The following THRB variants were observed in gnomAD, a reference collection of about 807,000 sequenced individuals.
THRB encodes thyroid hormone receptor beta.
In THRB, 12 loss-of-function variants were observed where a neutral mutation model predicts 47.8. The ratio of observed to expected loss-of-function variants is 0.25; its 90% CI spans 0.16 to 0.41. The LOEUF (loss-of-function observed/expected upper bound fraction) is 0.41, where lower values mean the gene tolerates loss of function less well. Ranked by LOEUF, THRB falls within the 10% of genes least tolerant of loss-of-function variation. The probability of loss-of-function intolerance (pLI) is 1.00; values close to 1 mark genes in which losing one functional copy is unlikely to be tolerated. For missense variants in THRB, 348 were observed against 589.2 expected (o/e 0.59, Z 4.24); for synonymous variants, 218 against 212.2 (o/e 1.03, Z -0.24).
intron 2 of THRB, among the ~76,000 whole-genome samples, chr3:24,304,907 G>T (rs2057231811): frequency 6.6e-6 from 1 of 152,070 alleles, no homozygotes; most frequent in Admixed American, 6.6e-5. Context: ...TAGAAAAAAT[G>T]GATGATTTCT....
At chr3:24,237,680 C>T (rs1171574778) in intron 3 of THRB, among the ~76,000 whole-genome samples, 1 of 152,104 alleles carries the variant, frequency 6.6e-6, no homozygotes, top group Non-Finnish European at 1.5e-5. Flanking sequence ...AAGGCCGTAG[C>T]TCTCAAAGGT....
intron 5 of THRB, among the ~76,000 whole-genome samples, chr3:24,153,692 C>T (rs2037362723): frequency 6.6e-6 from 1 of 152,124 alleles, no homozygotes; most frequent in Non-Finnish European, 1.5e-5. Context: ...GGTTCATTCT[C>T]CCCTCTATCA....
intron 5 of THRB, among the ~76,000 whole-genome samples, chr3:24,183,570 T>C (rs1193031782): frequency 6.6e-6 from 1 of 151,588 alleles, no homozygotes; most frequent in Non-Finnish European, 1.5e-5. Context: ...CAGGGTTTCA[T>C]CATGTTGGCC....
At chr3:24,190,917 G>A (rs1380592010) in intron 4 of THRB, among the ~76,000 whole-genome samples, 1 of 150,890 alleles carries the variant, frequency 6.6e-6, no homozygotes. Flanking sequence ...CTTACAAATA[G>A]AAGTTTTGTA....
intron 9 of THRB, 63 bp from the exon 10 acceptor site, chr3:24,127,820 A>G: frequency 6.4e-7 from 1 of 1,559,372 alleles, no homozygotes; most frequent in South Asian, 1.1e-5. Flanking sequence ...GGAACAACAT[A>G]CAGTATCTTA....
chr3:24,284,242 A>C (rs1467412302), intron 3 of THRB, among the ~76,000 whole-genome samples: 2 of 151,754 alleles, frequency 1.3e-5, no homozygotes, highest in Non-Finnish European at 2.9e-5. Context: ...GATATAGATC[A>C]ACGGAACAGA....
intron 2 of THRB, among the ~76,000 whole-genome samples, chr3:24,299,945 A>G (rs189972104): frequency 1.7e-4 from 26 of 152,162 alleles, no homozygotes; most frequent in African/African-American, 6.0e-4. Context: ...TTTGAGTTGC[A>G]CATCCCAACA....
intron 1 of THRB, among the ~76,000 whole-genome samples, chr3:24,422,456 A>G (rs137994225): frequency 7.3e-4 from 111 of 151,952 alleles, no homozygotes; most frequent in African/African-American, 2.5e-3. Context: ...TGAACTTTAC[A>G]TGAGGAAAAT....
At chr3:24,461,607 T>G (rs947791106) in intron 1 of THRB, among the ~76,000 whole-genome samples, 22 of 152,232 alleles carry the variant, frequency 1.4e-4, no homozygotes, top group Non-Finnish European at 2.4e-4. Flanking sequence ...CTTAACAGAT[T>G]TGTTCTTTAA....
At chr3:24,465,375 G>A (rs1172326705) in intron 1 of THRB, among the ~76,000 whole-genome samples, 1 of 152,090 alleles carries the variant, frequency 6.6e-6, no homozygotes, top group Non-Finnish European at 1.5e-5. Context: ...ATTCTCATCA[G>A]GATGAGGTGA....
chr3:24,440,397 C>G (rs1226084574), intron 1 of THRB, among the ~76,000 whole-genome samples: 1 of 152,116 alleles, frequency 6.6e-6, no homozygotes, highest in Admixed American at 6.5e-5. Flanking sequence ...GAGACCAGCC[C>G]CACACAGGAG....
intron 3 of THRB, among the ~76,000 whole-genome samples, chr3:24,234,033 C>G (rs1224485663): frequency 2.0e-5 from 3 of 152,180 alleles, no homozygotes; most frequent in Non-Finnish European, 4.4e-5. Flanking sequence ...ATAAAGCAGG[C>G]GCTGTGTGTA....
chr3:24,390,172 T>C (rs1466586960), intron 1 of THRB, among the ~76,000 whole-genome samples: 1 of 152,144 alleles, frequency 6.6e-6, no homozygotes, highest in African/African-American at 2.4e-5. Context: ...AATGATTCAT[T>C]GATCAGCTAC....
intron 3 of THRB, among the ~76,000 whole-genome samples, chr3:24,264,648 C>T (rs1847664): frequency 0.015 from 2,358 of 152,172 alleles, 66 homozygotes; most frequent in African/African-American, 0.053. Flanking sequence ...ACAGAACTAT[C>T]GTTATTACCA....
intron 1 of THRB, among the ~76,000 whole-genome samples, chr3:24,408,828 C>G (rs1252785425): frequency 2.0e-5 from 3 of 151,592 alleles, no homozygotes; most frequent in Admixed American, 6.6e-5. Context: ...GAAAAAAAAT[C>G]CTTTCCATAA....
chr3:24,313,136 T>C lies in THRB; in HGVS notation c.-188-15765A>G, dbSNP rs572614454. 7.2e-5 allele frequency among the ~76,000 whole-genome samples: 11 copies of C among 152,254 alleles called. No individual in the cohort carries two copies. The East Asian group carries it at 1.9e-3, about 27-fold the overall frequency. On this transcript the variant is annotated intron_variant, in intron 2 of 10. Coordinates refer to ENST00000646209, the MANE Select transcript of THRB (RefSeq NM_001354712.2). ...TGAATGGTGCCGCCATTTACTGAGA[T>C]GGGAAGACAGCAACTCCCAATTTTC...
intron 2 of THRB, among the ~76,000 whole-genome samples, chr3:24,304,445 G>A (rs545028535): frequency 6.6e-6 from 1 of 151,556 alleles, no homozygotes; most frequent in South Asian, 2.1e-4. Flanking sequence ...AGATTCATGA[G>A]AAAAGCAAAA....
chr3:24,431,042 A>T (rs2070340264), intron 1 of THRB: 1 of 152,088 alleles, frequency 6.6e-6, no homozygotes. Context: ...AAACAAACTC[A>T]TGCACTGGTT....
intron 3 of THRB, among the ~76,000 whole-genome samples, chr3:24,283,113 G>T (rs1405580476): frequency 1.8e-3 from 269 of 150,066 alleles, no homozygotes; most frequent in African/African-American, 6.2e-3. Flanking sequence ...TACCAAAGCC[G>T]GGCAGAGACA....
Sources: gnomAD v4.1 joint callset for allele counts (sites outside exome capture counted in the v4.1 genomes callset) on GRCh38, gnomAD v4.1.1 for gene constraint, MANE v1.5 for transcripts, NCBI Gene and HGNC (gene_info 2026-07-23, HGNC 2026-07-21) for gene names.